The following OSBPL1A variants were observed in gnomAD, a reference collection of about 807,000 sequenced individuals.
OSBPL1A encodes the protein oxysterol binding protein like 1A, also known as oxysterol-binding protein-related protein 1.
A neutral mutation model predicts 137.1 loss-of-function variants in OSBPL1A; 80 were observed. The observed-to-expected ratio is 0.58, with a 90% confidence interval of 0.49 to 0.70. The LOEUF is 0.70. OSBPL1A is among the 30% of genes least tolerant of loss of function. The probability of loss-of-function intolerance (pLI) is 0.00; values close to 1 mark genes in which losing one functional copy is unlikely to be tolerated. For synonymous variants in OSBPL1A, 365 were observed against 389.7 expected (o/e 0.94, Z 0.75); for missense variants, 970 against 1,129.4 (o/e 0.86, Z 2.02).
At chr18:24,316,503 G>C (rs1353235341) in intron 11 of OSBPL1A, among the ~76,000 whole-genome samples, 2 of 151,964 alleles carry the variant, frequency 1.3e-5, no homozygotes, top group Non-Finnish European at 2.9e-5. Flanking sequence ...ACATAAGAAG[G>C]CCAAAGTGGT....
chr18:24,223,581 CATCTT>C (rs1292048138), intron 17 of OSBPL1A, among the ~76,000 whole-genome samples: 1 of 152,080 alleles, frequency 6.6e-6, no homozygotes, highest in African/African-American at 2.4e-5. Flanking sequence ...AGTTTAATCT[CATCTT>C]AACTTTCACA....
At chr18:24,297,158 T>C (rs2090307396) in intron 14 of OSBPL1A, among the ~76,000 whole-genome samples, 1 of 152,192 alleles carries the variant, frequency 6.6e-6, no homozygotes, top group South Asian at 2.1e-4. Flanking sequence ...TTTAAATTAC[T>C]GATTCAATCT....
chr18:24,330,449 T>C (rs889884504), intron 7 of OSBPL1A, among the ~76,000 whole-genome samples: 5 of 152,134 alleles, frequency 3.3e-5, no homozygotes, highest in Admixed American at 6.5e-5. Context: ...ACAATAATGG[T>C]AATGAAGGTA....
Position 24,179,838 on chromosome 18 carries a change from GT to G in OSBPL1A, c.1813-4del. 1 of 1,613,040 alleles carries G rather than the reference GT, an allele frequency of 6.2e-7. No individual in the cohort carries two copies. Among genetic ancestry groups the G allele is most frequent in the South Asian group, 1.1e-5 (1 of 91,052 alleles). On this transcript the variant is annotated splice_polypyrimidine_tract_variant and splice_region_variant and intron_variant, in intron 19 of 27. Coordinates refer to ENST00000319481, the MANE Select transcript of OSBPL1A (RefSeq NM_080597.4). The stretch of plus-strand genomic sequence containing the variant: ...GATACAGCAAACGCAGCTACACACT[GT>G]GGGACAGAGCATGAGAACAAGTCAA...
intron 15 of OSBPL1A, among the ~76,000 whole-genome samples, chr18:24,246,050 A>T (rs1278778160): frequency 1.3e-5 from 2 of 151,862 alleles, no homozygotes; most frequent in South Asian, 4.2e-4. Context: ...TCTCTACTAA[A>T]AATATACAAA....
intron 16 of OSBPL1A, among the ~76,000 whole-genome samples, chr18:24,225,644 G>A (rs1397124021): frequency 6.6e-6 from 1 of 151,958 alleles, no homozygotes; most frequent in African/African-American, 2.4e-5. Context: ...CAATACTGTA[G>A]ACATAAAAGT....
intron 15 of OSBPL1A, among the ~76,000 whole-genome samples, chr18:24,268,320 A>G (rs1174222951): frequency 6.6e-6 from 1 of 151,984 alleles, no homozygotes; most frequent in African/African-American, 2.4e-5. Context: ...GGGTTTCACT[A>G]TGCTGCTGAG....
intron 15 of OSBPL1A, among the ~76,000 whole-genome samples, chr18:24,253,826 G>A (rs996223528): frequency 1.3e-5 from 2 of 152,300 alleles, no homozygotes; most frequent in Admixed American, 6.5e-5. Flanking sequence ...CAATGCTGAT[G>A]TTATCCCCAG....
chr18:24,317,550 G>C (rs975262767), intron 9 of OSBPL1A, 150 bp from the exon 10 acceptor site: 1 of 672,902 alleles, frequency 1.5e-6, no homozygotes, highest in Admixed American at 2.6e-5. Flanking sequence ...ATGAACTTAG[G>C]TACTAAGTGC....
intron 2 of OSBPL1A, among the ~76,000 whole-genome samples, chr18:24,376,938 G>A (rs978288511): frequency 1.3e-5 from 2 of 152,212 alleles, no homozygotes; most frequent in Admixed American, 6.5e-5. Context: ...CAAACGCCGC[G>A]CGCAGCCCTG....
At chr18:24,264,532 T>A (rs1227223849) in intron 15 of OSBPL1A, among the ~76,000 whole-genome samples, 6 of 152,204 alleles carry the variant, frequency 3.9e-5, no homozygotes, top group Non-Finnish European at 5.9e-5. Context: ...TAAGGAATCT[T>A]AGGAAATAGA....
chr18:24,284,628 TAA>T (rs35183077), intron 14 of OSBPL1A, among the ~76,000 whole-genome samples: 254 of 149,362 alleles, frequency 1.7e-3, no homozygotes, highest in East Asian at 7.1e-3. Context: ...TATCCTAGTG[TAA>T]AAAAAAAAAA....
At chr18:24,370,899 G>A (rs1041922218) in intron 2 of OSBPL1A, among the ~76,000 whole-genome samples, 6 of 152,072 alleles carry the variant, frequency 3.9e-5, no homozygotes, top group Non-Finnish European at 7.4e-5. Flanking sequence ...AAACTCCTGA[G>A]CTCAAGTGAT....
chr18:24,231,267 G>T (rs766893579), intron 16 of OSBPL1A, among the ~76,000 whole-genome samples: 2 of 152,032 alleles, frequency 1.3e-5, no homozygotes, highest in Non-Finnish European at 2.9e-5. Flanking sequence ...GTTATGGGTC[G>T]ACAATGGCCC....
intron 17 of OSBPL1A, among the ~76,000 whole-genome samples, chr18:24,210,399 C>T (rs1038654750): frequency 5.3e-5 from 8 of 152,006 alleles, no homozygotes; most frequent in Non-Finnish European, 1.0e-4. Context: ...AATTGTGCTA[C>T]TGCACTCCAG....
chr18:24,352,163 G>C (rs2091451333), intron 4 of OSBPL1A, among the ~76,000 whole-genome samples: 1 of 152,016 alleles, frequency 6.6e-6, no homozygotes, highest in African/African-American at 2.4e-5. Flanking sequence ...TAAATTAGGT[G>C]GGCATGGTGG....
chr18:24,328,510 C>A (rs1467678129), intron 7 of OSBPL1A, among the ~76,000 whole-genome samples: 1 of 152,064 alleles, frequency 6.6e-6, no homozygotes, highest in East Asian at 1.9e-4. Context: ...CTGTATCTGT[C>A]TTAGGGACAC....
chr18:24,271,668 C>A lies in OSBPL1A; in HGVS notation c.1281+9174G>T. 1.0e-6 allele frequency: 1 copy of A among 985,864 alleles called. No homozygotes were observed. The highest frequency in any genetic ancestry group is 1.2e-6 in the Non-Finnish European group (1 of 830,256). 61.1% of individuals were successfully genotyped at this position (985,864 alleles called of 1,614,324 possible). On this transcript the variant is annotated intron_variant, in intron 15 of 27. Coordinates refer to ENST00000319481, the MANE Select transcript of OSBPL1A (RefSeq NM_080597.4). The surrounding 1 kb of genome is among the most constrained non-coding windows in gnomAD (Gnocchi z 4.0). The stretch of plus-strand genomic sequence containing the variant: ...CGGCTGGCGCGCTCCACCCTGCGCT[C>A]CTCGCAAGCTCCAGCGCGAATGCGC...
chr18:24,320,574 C>A (rs114714875), intron 7 of OSBPL1A, among the ~76,000 whole-genome samples: 1 of 152,090 alleles, frequency 6.6e-6, no homozygotes, highest in Non-Finnish European at 1.5e-5. Flanking sequence ...CAGAGAGGCA[C>A]GCAGAGGCCA....
Sources: allele counts gnomAD v4.1 joint callset (sites outside exome capture counted in the v4.1 genomes callset), GRCh38; gene constraint gnomAD v4.1.1; non-coding constraint Gnocchi (gnomAD v3.1); transcripts MANE v1.5; gene names NCBI Gene and HGNC (gene_info 2026-07-23, HGNC 2026-07-21).